The following ADCY8 variants were observed in gnomAD, a reference collection of about 807,000 sequenced individuals.
The protein encoded by ADCY8 is adenylate cyclase 8.
A neutral mutation model predicts 119.7 loss-of-function variants in ADCY8; 51 were observed. That is an observed-to-expected ratio of 0.43 (90% confidence interval 0.34 to 0.54). ADCY8 has a LOEUF of 0.54. Ranked by LOEUF, ADCY8 falls within the 20% of genes least tolerant of loss-of-function variation. The pLI, the probability that ADCY8 is intolerant of heterozygous loss-of-function variation, is 0.03. For missense variants in ADCY8, 1,383 were observed against 1,598.8 expected (o/e 0.87, Z 2.30); for synonymous variants, 665 against 651.0 (o/e 1.02, Z -0.33).
intron 2 of ADCY8, among the ~76,000 whole-genome samples, chr8:130,982,125 T>C (rs1258234625): frequency 6.6e-6 from 1 of 152,190 alleles, no homozygotes; most frequent in Non-Finnish European, 1.5e-5. Flanking sequence ...GGCAGCCAGA[T>C]GGAACACAAG....
rs893850252 is a variant in ADCY8 at position 130,956,397 on chromosome 8, C to T, written c.1111-4399G>A. On this transcript the variant is annotated intron_variant, in intron 2 of 17. Coordinates refer to ENST00000286355, the MANE Select transcript of ADCY8 (RefSeq NM_001115.3). Reference sequence around the variant, plus strand: ...TACTGTTCTTCTGTCCTTAAATATCCTTTCTCCATTGTCATTTCCTGTGGT... The same window carrying T: ...TACTGTTCTTCTGTCCTTAAATATCTTTTCTCCATTGTCATTTCCTGTGGT... Among the ~76,000 whole-genome samples, 19 of 152,156 alleles carry T rather than the reference C, an allele frequency of 1.2e-4. 1 individual carries two copies.
At chr8:130,817,238 G>A (rs985024196) in intron 13 of ADCY8, among the ~76,000 whole-genome samples, 1 of 152,190 alleles carries the variant, frequency 6.6e-6, no homozygotes, top group Admixed American at 6.5e-5. Flanking sequence ...GCAGATACAA[G>A]ATTGATGAAG....
intron 15 of ADCY8, among the ~76,000 whole-genome samples, chr8:130,789,188 A>T (rs371681584): frequency 1.3e-5 from 2 of 152,226 alleles, no homozygotes; most frequent in Non-Finnish European, 2.9e-5. Flanking sequence ...ACTATAAGAC[A>T]ACAAACCTGT....
Position 130,785,383 on chromosome 8 carries a change from C to G in ADCY8, c.3153G>C (p.Gln1051His), listed in dbSNP as rs1234367845. ...MAVSGLSPEK[Q>H]QCEDKWGHLC... ...TGGCTGAGTCCAAAGAGTCCTTTAC[C>G]TGTTTTTCAGGTGACAGGCCTGACA... The change falls in exon 16 of 18, where the codon CAG (glutamine) becomes CAC (histidine). Residue 1051 changes from glutamine (Q) to histidine (H), a missense_variant and splice_region_variant. Around this residue, in one of 2 missense-constraint regions of ADCY8, gnomAD observed 928 missense variants for 1,163.5 expected, o/e 0.80. Coordinates refer to ENST00000286355, the MANE Select transcript of ADCY8 (RefSeq NM_001115.3). 1 of 1,604,726 alleles carries G rather than the reference C, an allele frequency of 6.2e-7. No homozygotes were observed. Among genetic ancestry groups the G allele is most frequent in the African/African-American group, 1.3e-5 (1 of 74,528 alleles).
chr8:130,799,938 C>T (rs1306814231), intron 15 of ADCY8, among the ~76,000 whole-genome samples: 2 of 152,144 alleles, frequency 1.3e-5, no homozygotes, highest in African/African-American at 4.8e-5. Flanking sequence ...AGCATTTCCC[C>T]CCACAGAATG....
At chr8:130,843,050 A>G (rs1360960155) in intron 11 of ADCY8, among the ~76,000 whole-genome samples, 1 of 151,978 alleles carries the variant, frequency 6.6e-6, no homozygotes, top group Non-Finnish European at 1.5e-5. Context: ...ATATTTTTGT[A>G]TTCCTATACA....
chr8:130,895,775 T>A (rs1212310055), intron 7 of ADCY8, among the ~76,000 whole-genome samples: 1 of 152,156 alleles, frequency 6.6e-6, no homozygotes, highest in African/African-American at 2.4e-5. Flanking sequence ...CTTAATCTGA[T>A]GTTAAAATGG....
At position 130,909,881 on chromosome 8, in the gene ADCY8, A is replaced by G. The variant is rs972650021; in HGVS notation, c.1482-15T>C. 8.1e-6 allele frequency: 13 copies of G among 1,613,494 alleles called. No homozygotes were observed. Among genetic ancestry groups the G allele is most frequent in the Admixed American group, 3.3e-5 (2 of 59,980 alleles). On this transcript the variant is annotated splice_polypyrimidine_tract_variant and intron_variant, in intron 5 of 17. Transcript: ENST00000286355. Reference sequence around the variant, plus strand: ...ACCGCACATACCTGTTGACATAGGTAAATGGAGAGACACATGTATAAGACC... The same window carrying G: ...ACCGCACATACCTGTTGACATAGGTGAATGGAGAGACACATGTATAAGACC...
chr8:130,857,564 A>G (rs532574661), intron 9 of ADCY8, among the ~76,000 whole-genome samples: 1 of 152,196 alleles, frequency 6.6e-6, no homozygotes, highest in African/African-American at 2.4e-5. Flanking sequence ...TGTCCTCTAT[A>G]ATTCCTGAAA....
chr8:130,897,663 G>T (rs977407968), intron 7 of ADCY8, among the ~76,000 whole-genome samples: 6 of 208 alleles, frequency 0.029, no homozygotes, highest in Non-Finnish European at 0.061. Context: ...CCACATATAT[G>T]AGAGGGTGAA....
intron 2 of ADCY8, among the ~76,000 whole-genome samples, chr8:130,980,536 C>A (rs1345418429): frequency 6.6e-6 from 1 of 152,146 alleles, no homozygotes; most frequent in Non-Finnish European, 1.5e-5. Context: ...ATTAACTGCT[C>A]ATAATTATTA....
At chr8:131,035,877 T>C (rs1824136561) in intron 1 of ADCY8, among the ~76,000 whole-genome samples, 1 of 152,186 alleles carries the variant, frequency 6.6e-6, no homozygotes, top group African/African-American at 2.4e-5. Flanking sequence ...TTATGGCTTT[T>C]AGTTGACAGA....
Position 130,821,383 on chromosome 8 carries a change from T to C in ADCY8, c.2713A>G (p.Met905Val), listed in dbSNP as rs1301477696. The change falls in exon 13 of 18, where the codon ATG (methionine) becomes GTG (valine). Residue 905 changes from methionine (M) to valine (V), a missense_variant. Met to Val is a conservative substitution (Grantham distance 21). Coordinates refer to ENST00000286355, the MANE Select transcript of ADCY8 (RefSeq NM_001115.3). ...AACACAGCCAGGAGGAACATGGCCA[T>C]CAGTAGCAGTGATACCTCCTTGGTC... ...LGTKEVSLLL[M>V]AMFLLAVFYH... 1 of 1,613,496 alleles carries C rather than the reference T, an allele frequency of 6.2e-7. No homozygotes were observed. The highest frequency in any genetic ancestry group is 8.5e-7 in the Non-Finnish European group (1 of 1,179,582).
At chr8:130,988,977 G>A (rs1259134834) in intron 2 of ADCY8, among the ~76,000 whole-genome samples, 1 of 152,208 alleles carries the variant, frequency 6.6e-6, no homozygotes, top group Non-Finnish European at 1.5e-5. Context: ...TCTCTGAATT[G>A]GCACAGATCC....
intron 1 of ADCY8, among the ~76,000 whole-genome samples, chr8:131,034,691 G>A (rs67576008): frequency 0.084 from 12,765 of 152,110 alleles, 725 homozygotes; most frequent in East Asian, 0.28. Context: ...TGATTGTACA[G>A]TTATCTTGGA....
rs558499875 is a variant in ADCY8, at chr8:131,032,388, A to T, written c.960+6986T>A. The stretch of plus-strand genomic sequence containing the variant: ...AGTACAAAGTATTTCATATATTAAA[A>T]TATATGATCTAGTTAAATGAAATTC... On this transcript the variant is annotated intron_variant, in intron 1 of 17. Transcript: ENST00000286355. 4.7e-4 allele frequency among the ~76,000 whole-genome samples: 71 copies of T among 152,336 alleles called. 1 individual carries two copies. Among genetic ancestry groups the T allele is most frequent in the Non-Finnish European group, 7.6e-4 (52 of 68,028 alleles).
chr8:130,792,360 T>TATC lies in ADCY8; in HGVS notation c.3061-6888_3061-6886dup, dbSNP rs1022164350. On this transcript the variant is annotated intron_variant, in intron 15 of 17. Coordinates refer to ENST00000286355, the MANE Select transcript of ADCY8 (RefSeq NM_001115.3). ...TTCCATCTAGCTCATTTCCTTGTGG[T>TATC]ATCATCATGTCTTACAGCTGTAAAT... Among the ~76,000 whole-genome samples, 99 of 152,326 alleles carry TATC rather than the reference T, an allele frequency of 6.5e-4. 2 individuals carry two copies. The highest frequency in any genetic ancestry group is 5.6e-3 in the Admixed American group (85 of 15,292).
chr8:130,836,485 G>A (rs371195660), intron 11 of ADCY8, 36 bp from the exon 12 acceptor site: 1 of 1,599,908 alleles, frequency 6.3e-7, no homozygotes, highest in East Asian at 2.2e-5. Context: ...AGATTCAATG[G>A]GGGCAGCAGT....
At chr8:130,877,534 C>T (rs946680225) in intron 8 of ADCY8, among the ~76,000 whole-genome samples, 1 of 152,190 alleles carries the variant, frequency 6.6e-6, no homozygotes, top group Admixed American at 6.5e-5. Flanking sequence ...CCCAAGGAAT[C>T]ACAAGAAGTG....
Sources: gnomAD v4.1 joint callset for allele counts (sites outside exome capture counted in the v4.1 genomes callset) on GRCh38, gnomAD v4.1.1 for gene constraint, gnomAD v4.1.1 regional missense constraint, MANE v1.5 for transcripts, NCBI Gene and HGNC (gene_info 2026-07-23, HGNC 2026-07-21) for gene names.